GALNTL6: variants seen among roughly 807,000 people sequenced by gnomAD.
GALNTL6 encodes polypeptide N-acetylgalactosaminyltransferase-like 6.
GALNTL6 carries 46 observed loss-of-function variants against 73.7 expected under a neutral mutation model. That is an observed-to-expected ratio of 0.62 (90% CI 0.49 to 0.80). GALNTL6 has a LOEUF of 0.80. GALNTL6 is among the 30% of genes least tolerant of loss of function. The pLI is 0.00. For synonymous variants in GALNTL6, 259 were observed against 263.7 expected (o/e 0.98, Z 0.17); for missense variants, 604 against 755.0 (o/e 0.80, Z 2.34).
chr4:171,967,447 G>GTTTTTTTTTGTTTGTTTTTT (rs1560863069), intron 2 of GALNTL6, among the ~76,000 whole-genome samples: 4 of 14,328 alleles, frequency 2.8e-4, no homozygotes, highest in South Asian at 9.1e-3. Flanking sequence ...CCCCCTATGG[G>GTTTTTTTTTGTTTGTTTTTT]TTTTTTTTTT....
intron 5 of GALNTL6, among the ~76,000 whole-genome samples, chr4:172,525,611 C>G (rs1361002892): frequency 6.6e-6 from 1 of 151,988 alleles, no homozygotes; most frequent in Non-Finnish European, 1.5e-5. Flanking sequence ...ACTTACAATC[C>G]CAGAGCTTTG....
chr4:171,885,532 A>G (rs1236006081), intron 2 of GALNTL6, among the ~76,000 whole-genome samples: 1 of 152,204 alleles, frequency 6.6e-6, no homozygotes, highest in Non-Finnish European at 1.5e-5. Flanking sequence ...TAGGCTAGGC[A>G]TGGTGGCTCA....
chr4:172,583,455 C>T (rs1157213301), intron 5 of GALNTL6, among the ~76,000 whole-genome samples: 3 of 152,134 alleles, frequency 2.0e-5, no homozygotes, highest in Non-Finnish European at 1.5e-5. Flanking sequence ...TTTCAGGTCT[C>T]TATGAGGCAG....
At chr4:172,906,180 G>A (rs1026957095) in intron 8 of GALNTL6, among the ~76,000 whole-genome samples, 3 of 151,960 alleles carry the variant, frequency 2.0e-5, no homozygotes, top group African/African-American at 7.3e-5. Flanking sequence ...TAATTAATAA[G>A]AGATATAGAT....
intron 2 of GALNTL6, among the ~76,000 whole-genome samples, chr4:171,969,962 G>C (rs1274546707): frequency 6.6e-6 from 1 of 152,044 alleles, no homozygotes. Context: ...GTAGACACGG[G>C]ATTTCACCAT....
chr4:172,921,079 C>G (rs993368195), intron 8 of GALNTL6, among the ~76,000 whole-genome samples: 1 of 152,008 alleles, frequency 6.6e-6, no homozygotes, highest in Non-Finnish European at 1.5e-5. Context: ...CAGAAGAAAC[C>G]GCCAAGATAA....
intron 2 of GALNTL6, among the ~76,000 whole-genome samples, chr4:171,979,485 TC>T (rs1403468698): frequency 3.9e-5 from 6 of 152,320 alleles, no homozygotes; most frequent in African/African-American, 1.4e-4. Flanking sequence ...TGAAATTGGT[TC>T]CTACTTGGGT....
intron 2 of GALNTL6, among the ~76,000 whole-genome samples, chr4:172,023,384 T>C (rs1741460889): frequency 6.6e-6 from 1 of 151,946 alleles, no homozygotes; most frequent in Non-Finnish European, 1.5e-5. Flanking sequence ...CCATAACTGC[T>C]ATGCAATTAT....
intron 5 of GALNTL6, among the ~76,000 whole-genome samples, chr4:172,380,682 A>C (rs1743250843): frequency 6.6e-6 from 1 of 152,250 alleles, no homozygotes; most frequent in Non-Finnish European, 1.5e-5. Context: ...TTAAAGCTTT[A>C]AAAATGTAAT....
At chr4:171,896,289 C>A (rs564831650) in intron 2 of GALNTL6, among the ~76,000 whole-genome samples, 2 of 152,184 alleles carry the variant, frequency 1.3e-5, no homozygotes, top group South Asian at 4.1e-4. Flanking sequence ...TAAAGTAAAA[C>A]TGTAATCATT....
chr4:172,905,812 C>CAA (rs397996287), intron 8 of GALNTL6, among the ~76,000 whole-genome samples: 3,807 of 69,404 alleles, frequency 0.055, 73 homozygotes, highest in Non-Finnish European at 0.068. Flanking sequence ...AGAGATCACT[C>CAA]AAAAAAAAAA....
intron 11 of GALNTL6, among the ~76,000 whole-genome samples, chr4:173,020,864 G>A (rs1752961727): frequency 6.6e-6 from 1 of 152,198 alleles, no homozygotes; most frequent in Non-Finnish European, 1.5e-5. Flanking sequence ...CCTGAGGTCA[G>A]GAGTTTGAGA....
At chr4:171,979,591 A>C (rs1428563538) in intron 2 of GALNTL6, among the ~76,000 whole-genome samples, 2 of 152,214 alleles carry the variant, frequency 1.3e-5, no homozygotes, top group South Asian at 2.1e-4. Context: ...TTCCAGGTTT[A>C]CTGCTAGAAA....
chr4:172,016,818 T>C (rs1741211596), intron 2 of GALNTL6, among the ~76,000 whole-genome samples: 1 of 152,046 alleles, frequency 6.6e-6, no homozygotes, highest in Admixed American at 6.6e-5. Context: ...AATTTGATTC[T>C]TGGGGCTTCT....
chr4:171,971,711 G>A (rs765803508), intron 2 of GALNTL6, among the ~76,000 whole-genome samples: 5 of 152,022 alleles, frequency 3.3e-5, no homozygotes, highest in Admixed American at 6.6e-5. Flanking sequence ...TTTTTTTAAA[G>A]TCCTATATTT....
rs568809679 is a variant in GALNTL6, at chr4:172,483,948, A to G, written c.553+135259A>G. On this transcript the variant is annotated intron_variant, in intron 5 of 12. Transcript: ENST00000506823. ...TCTAACTGGATATCTTTAAGGGACA[A>G]TAAGGAATATGAGTTTAGAGCTCAG... Among the ~76,000 whole-genome samples, 254 of 152,322 alleles carry G rather than the reference A, an allele frequency of 1.7e-3. 1 individual carries two copies. The highest frequency in any genetic ancestry group is 2.7e-3 in the Non-Finnish European group (182 of 68,016).
intron 2 of GALNTL6, among the ~76,000 whole-genome samples, chr4:172,138,477 CTATATATATATATATATATATA>C (rs1414149880): frequency 6.2e-3 from 54 of 8,694 alleles, no homozygotes; most frequent in East Asian, 0.023. Flanking sequence ...CTTGGACTGC[CTATATATATATATATATATATA>C]TATATATATA....
chr4:171,845,028 C>A (rs1033676537), intron 2 of GALNTL6, among the ~76,000 whole-genome samples: 1 of 152,148 alleles, frequency 6.6e-6, no homozygotes, highest in African/African-American at 2.4e-5. Flanking sequence ...TAATGACCTT[C>A]AATATCCAAA....
intron 2 of GALNTL6, among the ~76,000 whole-genome samples, chr4:171,939,728 T>C (rs1228279385): frequency 6.6e-6 from 1 of 152,172 alleles, no homozygotes; most frequent in South Asian, 2.1e-4. Context: ...TTAATAAAAA[T>C]ATAAATATTT....
Sources: allele counts gnomAD v4.1 joint callset (sites outside exome capture counted in the v4.1 genomes callset), GRCh38; gene constraint gnomAD v4.1.1; transcripts MANE v1.5; gene names NCBI Gene and HGNC (gene_info 2026-07-23, HGNC 2026-07-21).